Variants in RAD18 observed in about 807,000 individuals in gnomAD.
RAD18 encodes the protein E3 ubiquitin-protein ligase RAD18.
Under a neutral mutation model 60.4 loss-of-function variants are expected in RAD18, and 47 were observed. That is an observed-to-expected ratio of 0.78 (90% CI 0.62 to 0.99). RAD18 has a LOEUF of 0.99. RAD18 is among the 50% of genes least tolerant of loss of function. RAD18 has a pLI of 0.00. For missense variants in RAD18, 640 were observed against 593.3 expected, an observed-to-expected ratio of 1.08 and a Z score of -0.82; for synonymous variants, 225 against 195.5, an observed-to-expected ratio of 1.15 and a Z score of -1.26.
intron 4 of RAD18, chr3:8,946,914 G>C (rs2124836241): frequency 4.2e-6 from 1 of 239,216 alleles, no homozygotes; most frequent in East Asian, 9.4e-5. Context: ...GAGCTCCTTG[G>C]AGAAATGGCT....
intron 9 of RAD18, among the ~76,000 whole-genome samples, chr3:8,902,862 A>C (rs970549952): frequency 6.6e-6 from 1 of 152,076 alleles, no homozygotes; most frequent in African/African-American, 2.4e-5. Flanking sequence ...TATCTCTACT[A>C]AAAGTACAAA....
At chr3:8,921,934 G>C (rs1940327825) in intron 7 of RAD18, among the ~76,000 whole-genome samples, 1 of 152,188 alleles carries the variant, frequency 6.6e-6, no homozygotes. Flanking sequence ...GACAAAAATA[G>C]TACAAAGAAT....
chr3:8,895,965 A>G (rs917262460), intron 11 of RAD18, among the ~76,000 whole-genome samples: 1 of 152,234 alleles, frequency 6.6e-6, no homozygotes, highest in Non-Finnish European at 1.5e-5. Context: ...CTAGTCCTAA[A>G]AAACAACCTG....
intron 1 of RAD18, among the ~76,000 whole-genome samples, chr3:8,961,389 TTTTGGGGTTACAGATCCC>T (rs1941093388): frequency 6.6e-6 from 1 of 152,164 alleles, no homozygotes; most frequent in South Asian, 2.1e-4. Flanking sequence ...ACTCTTAAGT[TTTTGGGGTTACAGATCCC>T]TTTGAAAAAT....
At chr3:8,915,952 G>A (rs551526195) in intron 7 of RAD18, among the ~76,000 whole-genome samples, 1 of 152,234 alleles carries the variant, frequency 6.6e-6, no homozygotes, top group South Asian at 2.1e-4. Flanking sequence ...AGCTCACTGG[G>A]GAAGGGCAGC....
intron 12 of RAD18, among the ~76,000 whole-genome samples, chr3:8,885,934 G>A (rs1939554908): frequency 6.6e-6 from 1 of 152,174 alleles, no homozygotes; most frequent in Non-Finnish European, 1.5e-5. Context: ...CATGGTCAGT[G>A]GTCTCTTATC....
At chr3:8,905,220 A>C (rs897969454) in intron 9 of RAD18, among the ~76,000 whole-genome samples, 1 of 152,362 alleles carries the variant, frequency 6.6e-6, no homozygotes, top group South Asian at 2.1e-4. Context: ...TCCATGACTA[A>C]GTACACGTTC....
At chr3:8,915,715 C>G (rs1054666238) in intron 7 of RAD18, among the ~76,000 whole-genome samples, 5 of 151,938 alleles carry the variant, frequency 3.3e-5, no homozygotes, top group African/African-American at 1.2e-4. Flanking sequence ...TCCCGAGTAG[C>G]TGGGACTACA....
intron 2 of RAD18, among the ~76,000 whole-genome samples, chr3:8,954,327 T>C (rs576182481): frequency 6.6e-6 from 1 of 152,374 alleles, no homozygotes; most frequent in South Asian, 2.1e-4. Context: ...CAAGGATTCA[T>C]TTAAGTTTTA....
chr3:8,963,204 G>A, intron 1 of RAD18, 131 bp downstream of exon 1: 2 of 1,043,052 alleles, frequency 1.9e-6, no homozygotes, highest in Non-Finnish European at 2.7e-6. Context: ...TGGCAGGGCA[G>A]AGCCGGATAC....
intron 8 of RAD18, 63 bp from the exon 9 acceptor site, chr3:8,912,435 A>T (rs1940120395): frequency 8.7e-7 from 1 of 1,145,860 alleles, no homozygotes; most frequent in African/African-American, 1.6e-5. Flanking sequence ...GGGAAATATT[A>T]CAAACCTTCA....
intron 12 of RAD18, among the ~76,000 whole-genome samples, chr3:8,887,317 A>G (rs943175830): frequency 6.6e-6 from 1 of 152,194 alleles, no homozygotes; most frequent in Non-Finnish European, 1.5e-5. Flanking sequence ...GAAGTTTAAA[A>G]TAATTGCTAG....
rs1230566318 is a variant in RAD18 at position 8,877,658 on chromosome 3, A to G, written c.*3699T>C. On this transcript the variant is annotated 3_prime_UTR_variant, in exon 13 of 13. Transcript: ENST00000264926. ...CTTTTGTTGCACTCATCACAGTTGT[A>G]CATTAATCTATATAATTACTTAATG... The G allele has an allele frequency of 6.6e-6, 1 of 152,240 alleles. No homozygotes were observed. Among genetic ancestry groups the G allele is most frequent in the East Asian group, 1.9e-4 (1 of 5,200 alleles). 9.4% of individuals were successfully genotyped at this position (152,240 alleles called of 1,614,324 possible). A position where few individuals can be genotyped will look rare whatever the true frequency, so the allele number is the denominator to read the frequency against.
chr3:8,942,746 T>G (rs1940774960), intron 4 of RAD18, among the ~76,000 whole-genome samples: 1 of 152,196 alleles, frequency 6.6e-6, no homozygotes, highest in Non-Finnish European at 1.5e-5. Flanking sequence ...TCAGAGTGCT[T>G]TGACACGTGG....
At chr3:8,922,114 G>A (rs9811599) in intron 7 of RAD18, among the ~76,000 whole-genome samples, 11,481 of 152,182 alleles carry the variant, frequency 0.075, 1,382 homozygotes, top group African/African-American at 0.26. Flanking sequence ...GCGGTGCACC[G>A]GGAGTGAGCT....
intron 7 of RAD18, among the ~76,000 whole-genome samples, chr3:8,920,448 C>T (rs1940297954): frequency 1.3e-5 from 2 of 152,034 alleles, no homozygotes; most frequent in African/African-American, 4.8e-5. Context: ...GAAAAATTAC[C>T]AAAGGATGCT....
intron 1 of RAD18, among the ~76,000 whole-genome samples, chr3:8,960,046 C>A (rs1052127837): frequency 2.0e-5 from 3 of 152,102 alleles, no homozygotes; most frequent in African/African-American, 7.2e-5. Context: ...AGCATGGTGG[C>A]TCTGTAATCC....
chr3:8,882,204 G>A (rs1939476995), intron 12 of RAD18, among the ~76,000 whole-genome samples: 1 of 152,188 alleles, frequency 6.6e-6, no homozygotes, highest in Non-Finnish European at 1.5e-5. Flanking sequence ...AGTTGCTGAG[G>A]GAAACACAGG....
intron 1 of RAD18, among the ~76,000 whole-genome samples, chr3:8,962,210 G>C (rs759874106): frequency 1.4e-4 from 21 of 152,300 alleles, no homozygotes; most frequent in Non-Finnish European, 2.9e-4. Flanking sequence ...CAGGCTCAGA[G>C]AGGTTAAGTT....
Sources: allele counts gnomAD v4.1 joint callset (sites outside exome capture counted in the v4.1 genomes callset), GRCh38; gene constraint gnomAD v4.1.1; transcripts MANE v1.5; gene names NCBI Gene and HGNC (gene_info 2026-07-23, HGNC 2026-07-21).